CNTN5: variants seen among roughly 807,000 people sequenced by gnomAD.
CNTN5 encodes the protein contactin 5, also known as contactin-5.
A neutral mutation model predicts 129.1 loss-of-function variants in CNTN5; 77 were observed. The observed-to-expected ratio is 0.60, with a 90% CI of 0.50 to 0.72. The LOEUF (loss-of-function observed/expected upper bound fraction) is 0.72. Ranked by LOEUF, CNTN5 falls within the 30% of genes least tolerant of loss-of-function variation. The pLI is 0.00. For synonymous variants in CNTN5, 509 were observed against 465.6 expected, an observed-to-expected ratio of 1.09 and a Z score of -1.20; for missense variants, 1,478 against 1,328.8, an observed-to-expected ratio of 1.11 and a Z score of -1.75.
At chr11:99,765,603 T>C (rs1944726189) in intron 3 of CNTN5, among the ~76,000 whole-genome samples, 1 of 151,272 alleles carries the variant, frequency 6.6e-6, no homozygotes, top group South Asian at 2.1e-4. Context: ...TTTATTGGGG[T>C]CATTGAGACA....
At chr11:99,790,858 C>T (rs1156307178) in intron 3 of CNTN5, among the ~76,000 whole-genome samples, 2 of 151,992 alleles carry the variant, frequency 1.3e-5, no homozygotes, top group African/African-American at 4.8e-5. Context: ...TATTAATTGC[C>T]ATTTTGACTG....
chr11:99,932,280 C>A (rs1294772006), intron 7 of CNTN5, among the ~76,000 whole-genome samples: 2 of 152,028 alleles, frequency 1.3e-5, no homozygotes, highest in Admixed American at 6.6e-5. Flanking sequence ...GCAACCTTCG[C>A]CTCCCGGGTT....
chr11:100,342,274 T>C (rs1266914939), intron 23 of CNTN5, among the ~76,000 whole-genome samples: 2 of 151,898 alleles, frequency 1.3e-5, no homozygotes, highest in Non-Finnish European at 2.9e-5. Flanking sequence ...TACTCCTCTT[T>C]CCATACCCTT....
intron 7 of CNTN5, among the ~76,000 whole-genome samples, chr11:99,925,273 A>G (rs890716369): frequency 3.9e-5 from 6 of 152,198 alleles, no homozygotes; most frequent in African/African-American, 1.4e-4. Context: ...AGGCAACTGG[A>G]GTAAGTGCAT....
chr11:100,045,335 G>T (rs1431309914), intron 9 of CNTN5, among the ~76,000 whole-genome samples: 1 of 152,108 alleles, frequency 6.6e-6, no homozygotes, highest in Non-Finnish European at 1.5e-5. Context: ...GTTTAAGGTT[G>T]TGTGTTTCTA....
chr11:100,040,542 T>G (rs976262813), intron 9 of CNTN5, among the ~76,000 whole-genome samples: 1 of 152,172 alleles, frequency 6.6e-6, no homozygotes, highest in Non-Finnish European at 1.5e-5. Flanking sequence ...GCTGTCTTTT[T>G]GTTTGTCTGT....
chr11:99,408,448 G>GAAAGAGAAGAAAGAAAGAA lies in CNTN5; in HGVS notation c.-71+82965_-71+82966insAAGAGAAGAAAGAAAGAAA, dbSNP rs71305322. 6.1e-3 allele frequency among the ~76,000 whole-genome samples: 474 copies of GAAAGAGAAGAAAGAAAGAA among 78,132 alleles called. 6 individuals carry two copies. The highest frequency in any genetic ancestry group is 9.2e-3 in the Non-Finnish European group (373 of 40,716). 51.3% of individuals were successfully genotyped at this position (78,132 alleles called of 152,430 possible). ...AAAGAAAAAGAAAGAAAGAAAGAAA[G>GAAAGAGAAGAAAGAAAGAA]AGAAAGAAAGAAAGAAAGAAAGAAA... On this transcript the variant is annotated intron_variant, in intron 2 of 24. Coordinates refer to ENST00000524871, the MANE Select transcript of CNTN5 (RefSeq NM_014361.4).
intron 1 of CNTN5, among the ~76,000 whole-genome samples, chr11:99,192,814 T>A (rs957147086): frequency 6.6e-5 from 10 of 152,100 alleles, no homozygotes; most frequent in African/African-American, 2.4e-4. Context: ...TTATATTTGT[T>A]TTTCTCGGGA....
intron 13 of CNTN5, among the ~76,000 whole-genome samples, chr11:100,121,928 C>G: frequency 6.6e-6 from 1 of 151,620 alleles, no homozygotes; most frequent in East Asian, 1.9e-4. Flanking sequence ...TTAGGGTTCT[C>G]CAGAGAGAAC....
intron 1 of CNTN5, among the ~76,000 whole-genome samples, chr11:99,077,837 C>T (rs1287482880): frequency 1.3e-5 from 2 of 152,154 alleles, no homozygotes; most frequent in Non-Finnish European, 2.9e-5. Flanking sequence ...CCTTGCCTCC[C>T]CTTTCCCTTC....
At chr11:99,201,306 G>A (rs1380208117) in intron 1 of CNTN5, among the ~76,000 whole-genome samples, 1 of 100,324 alleles carries the variant, frequency 1.0e-5, no homozygotes, top group African/African-American at 4.1e-5. Context: ...TTACAGGCGT[G>A]AGCCACTGCG....
At chr11:99,345,331 C>G (rs1937765386) in intron 2 of CNTN5, among the ~76,000 whole-genome samples, 1 of 152,146 alleles carries the variant, frequency 6.6e-6, no homozygotes, top group Admixed American at 6.5e-5. Flanking sequence ...TAAACTGAAT[C>G]TAATGACTTA....
At chr11:100,351,854 A>G (rs971594791) in intron 24 of CNTN5, among the ~76,000 whole-genome samples, 4 of 151,442 alleles carry the variant, frequency 2.6e-5, no homozygotes, top group African/African-American at 9.7e-5. Context: ...ATGTGGCCCT[A>G]TGTTATTTAA....
chr11:100,060,094 C>T (rs1158641493), intron 9 of CNTN5, among the ~76,000 whole-genome samples: 2 of 151,812 alleles, frequency 1.3e-5, no homozygotes, highest in African/African-American at 4.8e-5. Context: ...CCTGTAATCC[C>T]AGCTACTTGG....
chr11:99,661,340 C>T (rs1952585264), intron 3 of CNTN5, among the ~76,000 whole-genome samples: 1 of 152,132 alleles, frequency 6.6e-6, no homozygotes, highest in Non-Finnish European at 1.5e-5. Flanking sequence ...AAAATAAGAA[C>T]TTAGCGAAGT....
At chr11:100,280,504 G>T in intron 18 of CNTN5, among the ~76,000 whole-genome samples, 1 of 151,822 alleles carries the variant, frequency 6.6e-6, no homozygotes, top group East Asian at 1.9e-4. Context: ...AGCTACTACT[G>T]CTCTTTTGTG....
At chr11:99,022,234 A>G (rs2135052431) in intron 1 of CNTN5, among the ~76,000 whole-genome samples, 1 of 152,344 alleles carries the variant, frequency 6.6e-6, no homozygotes, top group East Asian at 1.9e-4. Flanking sequence ...TAAGGATGAA[A>G]GAAGTAGATG....
In CNTN5 at chr11:100,264,080, A is replaced by G. The variant is rs543690393; in HGVS notation, c.2165-7012A>G. On this transcript the variant is annotated intron_variant, in intron 17 of 24. Coordinates refer to ENST00000524871, the MANE Select transcript of CNTN5 (RefSeq NM_014361.4). Reference sequence around the variant, plus strand: ...TGTTTATATATATACATATGTGTGTATATATATATGTATATAAAAACATAC... The same window carrying G: ...TGTTTATATATATACATATGTGTGTGTATATATATGTATATAAAAACATAC... Among the ~76,000 whole-genome samples the G allele has an allele frequency of 1.4e-3, 211 of 152,080 alleles. 1 individual carries two copies. The highest frequency in any genetic ancestry group is 4.4e-3 in the African/African-American group (183 of 41,506).
intron 3 of CNTN5, among the ~76,000 whole-genome samples, chr11:99,702,369 C>T (rs1329504850): frequency 6.6e-6 from 1 of 150,880 alleles, no homozygotes; most frequent in Non-Finnish European, 1.5e-5. Flanking sequence ...TTGTAGCTCA[C>T]TTTCCCATTT....
Sources: allele counts gnomAD v4.1 joint callset (sites outside exome capture counted in the v4.1 genomes callset), GRCh38; gene constraint gnomAD v4.1.1; transcripts MANE v1.5; gene names NCBI Gene and HGNC (gene_info 2026-07-23, HGNC 2026-07-21).